IRAK4: variants seen among roughly 807,000 people sequenced by gnomAD.
IRAK4 encodes interleukin-1 receptor-associated kinase 4.
IRAK4 carries 44 observed loss-of-function variants against 51.8 expected under a neutral mutation model. That is an observed-to-expected ratio of 0.85 (90% CI 0.67 to 1.09). The LOEUF is 1.09. Among genes scored for constraint, IRAK4 ranks in the 50% least tolerant of loss-of-function variants. The pLI is 0.00. For missense variants in IRAK4, 487 were observed against 538.0 expected, an observed-to-expected ratio of 0.91 and a Z score of 0.94; for synonymous variants, 149 against 174.1, an observed-to-expected ratio of 0.86 and a Z score of 1.13.
Position 43,788,530 on chromosome 12 carries a change from ATGTTAG to A in IRAK4, c.*1816_*1821del, listed in dbSNP as rs1942354869. The A allele has an allele frequency of 6.8e-6, 1 of 146,940 alleles. No homozygotes were observed. Among genetic ancestry groups the A allele is most frequent in the African/African-American group, 2.5e-5 (1 of 39,652 alleles). The allele number at this position is 146,940 out of a possible 1,614,324, so 9.1% of individuals were successfully genotyped here. On this transcript the variant is annotated 3_prime_UTR_variant, in exon 12 of 12. Transcript: ENST00000613694. ...GATGTGGGACATGGAATCAAGGAATATGTTAGGGCTTTTTTTTTTTTTTTTTTGAGA... is the reference window on the plus strand; with the variant it reads ...GATGTGGGACATGGAATCAAGGAATAGGCTTTTTTTTTTTTTTTTTTGAGA...
intron 10 of IRAK4, 48 bp downstream of exon 10, chr12:43,783,772 A>G: frequency 7.8e-7 from 1 of 1,277,452 alleles, no homozygotes; most frequent in Non-Finnish European, 1.1e-6. Context: ...CTGCTTTTGT[A>G]GTCTAAATTT....
rs890567306 is a variant in IRAK4, at chr12:43,788,980, C to T, written c.*2265C>T. 4.6e-5 allele frequency: 7 copies of T among 152,028 alleles called. No homozygotes were observed. Among genetic ancestry groups the T allele is most frequent in the Non-Finnish European group, 8.8e-5 (6 of 68,032 alleles). 9.4% of individuals were successfully genotyped at this position (152,028 alleles called of 1,614,324 possible). A position where few individuals can be genotyped will look rare whatever the true frequency, so the allele number is the denominator to read the frequency against. On this transcript the variant is annotated 3_prime_UTR_variant, in exon 12 of 12. Transcript: ENST00000613694. ...ATATTTTATTTCAGAGGCTCATAGG[C>T]GGCAGGAACTTACCTTGAGTCTCAA...
intron 1 of IRAK4, among the ~76,000 whole-genome samples, chr12:43,765,837 A>AG (rs1940085282): frequency 1.4e-5 from 2 of 146,000 alleles, no homozygotes; most frequent in South Asian, 4.3e-4. Context: ...ATTTAACATG[A>AG]GCCAAAAAAA....
At chr12:43,760,859 C>G (rs1200241232) in intron 1 of IRAK4, 1 of 152,136 alleles carries the variant, frequency 6.6e-6, no homozygotes, top group Admixed American at 6.5e-5. Context: ...AATATAAACT[C>G]CATGAATTCA....
At chr12:43,778,380 T>C in intron 8 of IRAK4, 78 bp downstream of exon 8, 1 of 813,172 alleles carries the variant, frequency 1.2e-6, no homozygotes, top group Non-Finnish European at 2.2e-6. Context: ...ACGATTCATA[T>C]GCAGGTCTTA....
chr12:43,770,283 T>C (rs1446326253), intron 2 of IRAK4, among the ~76,000 whole-genome samples: 1 of 152,210 alleles, frequency 6.6e-6, no homozygotes, highest in Admixed American at 6.5e-5. Context: ...AGTTTTTGTG[T>C]GTTCTGTTTC....
At chr12:43,763,966 C>G (rs905449494) in intron 1 of IRAK4, among the ~76,000 whole-genome samples, 10 of 152,152 alleles carry the variant, frequency 6.6e-5, no homozygotes, top group African/African-American at 2.4e-4. Flanking sequence ...CATGACTAAG[C>G]AGTATTTTTT....
chr12:43,772,146 T>C, intron 3 of IRAK4, 34 bp from the exon 4 acceptor site: 1 of 1,568,790 alleles, frequency 6.4e-7, no homozygotes, highest in Non-Finnish European at 8.8e-7. Context: ...TTTTTCTTAC[T>C]GAAAAACCAC....
At chr12:43,780,589 T>G (rs1941691385) in intron 8 of IRAK4, among the ~76,000 whole-genome samples, 1 of 150,960 alleles carries the variant, frequency 6.6e-6, no homozygotes, top group Admixed American at 6.6e-5. Context: ...TTTTTTTTTT[T>G]GAGACAAGTT....
At chr12:43,770,212 G>A (rs553542089) in intron 2 of IRAK4, among the ~76,000 whole-genome samples, 2 of 152,208 alleles carry the variant, frequency 1.3e-5, no homozygotes, top group South Asian at 4.1e-4. Flanking sequence ...GTTGAAAGCC[G>A]ACTTTGTGAT....
Position 43,783,722 on chromosome 12 carries a change from T to C in IRAK4, c.1186T>C (p.Leu396=). ...GGATGAACACCGTGAACCTCAGTTA[T>C]TGGTAAATGAAATATTCATTTTCCT... ...AVDEHREPQL[L]LDIKEEIEDE... is the part of the protein sequence containing the mutation. The change falls in exon 10 of 12, where the codon TTG becomes CTG. Residue 396 remains leucine (L), a splice_region_variant and synonymous_variant. Coordinates refer to ENST00000613694, the MANE Select transcript of IRAK4 (RefSeq NM_016123.4). 10 of 1,594,802 alleles carry C rather than the reference T, an allele frequency of 6.3e-6. No individual in the cohort carries two copies. The highest frequency in any genetic ancestry group is 8.6e-6 in the Non-Finnish European group (10 of 1,163,136).
chr12:43,780,205 A>ACC (rs1941654893), intron 8 of IRAK4, among the ~76,000 whole-genome samples: 1 of 152,222 alleles, frequency 6.6e-6, no homozygotes, highest in Admixed American at 6.5e-5. Flanking sequence ...TAGTTGGTTT[A>ACC]GAAATCACAT....
rs778367357 is a variant in IRAK4 at position 43,772,926 on chromosome 12, T to C, written c.505T>C (p.Ser169Pro). The change falls in exon 5 of 12, where the codon TCA (serine) becomes CCA (proline). Residue 169 changes from serine (S) to proline (P), a missense_variant. Coordinates refer to ENST00000613694, the MANE Select transcript of IRAK4 (RefSeq NM_016123.4). ...EVSDTRFHSF[S>P]FYELKNVTNN... The stretch of plus-strand genomic sequence containing the variant: ...TTTTGACATAGGTTTTCACAGTTTT[T>C]CATTTTATGAATTGAAGAATGTCAC... 1 of 1,608,556 alleles carries C rather than the reference T, an allele frequency of 6.2e-7. No individual in the cohort carries two copies. The highest frequency in any genetic ancestry group is 8.5e-7 in the Non-Finnish European group (1 of 1,177,038).
intron 1 of IRAK4, among the ~76,000 whole-genome samples, chr12:43,763,797 T>A (rs935259237): frequency 6.6e-6 from 1 of 150,952 alleles, no homozygotes; most frequent in South Asian, 2.1e-4. Flanking sequence ...ATTCACTCAC[T>A]TTTTCACTAT....
chr12:43,771,047 C>T (rs1679742508), intron 2 of IRAK4, 173 bp from the exon 3 acceptor site: 1 of 703,670 alleles, frequency 1.4e-6, no homozygotes, highest in Non-Finnish European at 2.6e-6. Flanking sequence ...GATGATGTAG[C>T]AAGAAGGCCC....
chr12:43,782,165 A>G (rs1479595302), intron 8 of IRAK4, 142 bp from the exon 9 acceptor site: 2 of 649,056 alleles, frequency 3.1e-6, no homozygotes, highest in East Asian at 5.5e-5. Context: ...ATAAAACGTT[A>G]CACTCTGTAA....
rs886049396 is a variant in IRAK4 at position 43,789,186 on chromosome 12, G to A, written c.*2471G>A. On this transcript the variant is annotated 3_prime_UTR_variant, in exon 12 of 12. Coordinates refer to ENST00000613694, the MANE Select transcript of IRAK4 (RefSeq NM_016123.4). The stretch of plus-strand genomic sequence containing the variant: ...GTAATCCCCAGTGTTGGGGGTGGAG[G>A]TGGGGCCTGATGGGAAGTGTTTGGG... 2.0e-5 allele frequency: 3 copies of A among 152,168 alleles called. No individual in the cohort carries two copies. Among genetic ancestry groups the A allele is most frequent in the African/African-American group, 4.8e-5 (2 of 41,416 alleles). 9.4% of individuals were successfully genotyped at this position (152,168 alleles called of 1,614,324 possible). A position where few individuals can be genotyped will look rare whatever the true frequency, so the allele number is the denominator to read the frequency against.
Position 43,778,239 on chromosome 12 carries a change from A to C in IRAK4, c.878A>C (p.Gln293Pro). The change falls in exon 8 of 12, where the codon CAG becomes CCG. Residue 293 changes from glutamine to proline, a missense_variant. Transcript: ENST00000613694. Reference sequence around the variant, plus strand: ...TGGCACATGAGATGCAAGATTGCTCAGGGTGCAGCTAATGGCATCAATTTT... The same window carrying C: ...TGGCACATGAGATGCAAGATTGCTCCGGGTGCAGCTAATGGCATCAATTTT... Reference protein sequence around the residue: ...LSWHMRCKIAQGAANGINFLH... With the variant: ...LSWHMRCKIAPGAANGINFLH... The C allele has an allele frequency of 6.2e-7, 1 of 1,612,066 alleles. No homozygotes were observed. The highest frequency in any genetic ancestry group is 8.5e-7 in the Non-Finnish European group (1 of 1,178,180).
chr12:43,770,201 G>T (rs1204067383), intron 2 of IRAK4, among the ~76,000 whole-genome samples: 1 of 151,976 alleles, frequency 6.6e-6, no homozygotes, highest in African/African-American at 2.4e-5. Context: ...GAAAGAAATG[G>T]GTTGAAAGCC....
Sources: gnomAD v4.1 joint callset for allele counts (sites outside exome capture counted in the v4.1 genomes callset) on GRCh38, gnomAD v4.1.1 for gene constraint, MANE v1.5 for transcripts, NCBI Gene and HGNC (gene_info 2026-07-23, HGNC 2026-07-21) for gene names.